The following MCF2L variants were observed in gnomAD, a reference collection of about 807,000 sequenced individuals.
MCF2L encodes guanine nucleotide exchange factor DBS.
A neutral mutation model predicts 153.4 loss-of-function variants in MCF2L; 97 were observed. The observed-to-expected ratio is 0.63, with a 90% confidence interval of 0.54 to 0.75. The LOEUF (loss-of-function observed/expected upper bound fraction) is 0.75, where lower values mean the gene tolerates loss of function less well. MCF2L is among the 30% of genes least tolerant of loss of function. MCF2L has a pLI of 0.00. For synonymous variants in MCF2L, 659 were observed against 632.2 expected (o/e 1.04, Z -0.64); for missense variants, 1,347 against 1,495.2 (o/e 0.90, Z 1.64).
At chr13:113,095,687 C>T (rs933631620) in intron 27 of MCF2L, 11 of 991,570 alleles carry the variant, frequency 1.1e-5, no homozygotes, top group Non-Finnish European at 1.1e-5. Context: ...GCCCAGTCAC[C>T]GTCCTCCTGC....
At chr13:113,024,966 T>G (rs2085139475) in intron 3 of MCF2L, 2 of 501,210 alleles carry the variant, frequency 4.0e-6, no homozygotes, top group East Asian at 6.4e-5. Context: ...CAGGGCAGAG[T>G]CTCTGTGAGG....
intron 1 of MCF2L, among the ~76,000 whole-genome samples, chr13:112,975,103 C>T (rs1051242222): frequency 1.2e-4 from 18 of 152,196 alleles, no homozygotes; most frequent in Admixed American, 5.9e-4. Context: ...CAGAAGGTAT[C>T]TGGTCACATT....
chr13:113,023,173 C>A (rs575909811), intron 2 of MCF2L, among the ~76,000 whole-genome samples: 2 of 152,186 alleles, frequency 1.3e-5, no homozygotes, highest in African/African-American at 4.8e-5. Context: ...CTAAGAGACT[C>A]GGCAGCCAGG....
intron 1 of MCF2L, among the ~76,000 whole-genome samples, chr13:112,998,083 A>C (rs565707032): frequency 6.6e-6 from 1 of 152,346 alleles, no homozygotes; most frequent in Non-Finnish European, 1.5e-5. Context: ...GCTGGGCTCA[A>C]ACTGCAGTGC....
chr13:113,048,831 AG>A (rs776759363), intron 4 of MCF2L, among the ~76,000 whole-genome samples: 1 of 152,114 alleles, frequency 6.6e-6, no homozygotes, highest in South Asian at 2.1e-4. Context: ...CACGGATGTG[AG>A]GGAGGAAGTG....
At chr13:113,056,796 T>TTTGGCTCTGAG in intron 4 of MCF2L, among the ~76,000 whole-genome samples, 1 of 103,966 alleles carries the variant, frequency 9.6e-6, no homozygotes, top group African/African-American at 5.3e-5. Context: ...CACTGAGTGT[T>TTTGGCTCTGAG]TGGGTGCTGT....
chr13:113,034,595 ACCCTCG>A (rs1416794049), intron 3 of MCF2L, among the ~76,000 whole-genome samples: 3 of 147,312 alleles, frequency 2.0e-5, no homozygotes, highest in Non-Finnish European at 3.0e-5. Flanking sequence ...CCCTGGTCTC[ACCCTCG>A]CCCTCACCCT....
intron 15 of MCF2L, among the ~76,000 whole-genome samples, chr13:113,080,771 G>A (rs1049959572): frequency 5.3e-5 from 8 of 152,228 alleles, no homozygotes; most frequent in East Asian, 1.9e-4. Context: ...TACCCACCAC[G>A]AGGAAGGCTC....
intron 2 of MCF2L, among the ~76,000 whole-genome samples, chr13:112,950,974 A>C (rs2140709575): frequency 6.6e-6 from 1 of 152,356 alleles, no homozygotes; most frequent in African/African-American, 2.4e-5. Flanking sequence ...ATATGTGCAA[A>C]CCACATAGCT....
At chr13:112,944,476 G>T (rs2081614615) in intron 2 of MCF2L, among the ~76,000 whole-genome samples, 1 of 151,808 alleles carries the variant, frequency 6.6e-6, no homozygotes, top group Admixed American at 6.6e-5. Flanking sequence ...CAAGGGTCGC[G>T]TTCCTAGTAT....
At chr13:112,899,913 G>T (rs1291533657) in intron 1 of MCF2L, among the ~76,000 whole-genome samples, 1 of 152,180 alleles carries the variant, frequency 6.6e-6, no homozygotes, top group Non-Finnish European at 1.5e-5. Context: ...ATGCTTGCAG[G>T]GTCTTGCCTC....
chr13:112,991,582 A>T (rs1301724722), intron 1 of MCF2L, among the ~76,000 whole-genome samples: 2 of 152,274 alleles, frequency 1.3e-5, no homozygotes, highest in Non-Finnish European at 2.9e-5. Flanking sequence ...GTATTTCAAA[A>T]ATCTATCAGA....
At position 113,016,146 on chromosome 13, in the gene MCF2L, TG is replaced by T. The variant is rs1470794731; in HGVS notation, c.163+1307del. ...TCCTCAGACGCCAGCCCAGGAGCTC[TG>T]GGGGGGATTTTGCAGATGAATTTAA... On this transcript the variant is annotated intron_variant, in intron 2 of 29. Coordinates refer to ENST00000535094, the MANE Select transcript of MCF2L (RefSeq NM_001112732.3). Among the ~76,000 whole-genome samples, 4 of 152,236 alleles carry T rather than the reference TG, an allele frequency of 2.6e-5. No homozygotes were observed. In the East Asian group the frequency reaches 7.7e-4, roughly 29 times the overall value.
intron 1 of MCF2L, among the ~76,000 whole-genome samples, chr13:112,899,651 C>A (rs894598116): frequency 6.6e-6 from 1 of 152,124 alleles, no homozygotes; most frequent in African/African-American, 2.4e-5. Context: ...AGGGGCCACA[C>A]CTGCCCCAAG....
chr13:113,067,062 G>A (rs1194373249), intron 8 of MCF2L, among the ~76,000 whole-genome samples: 1 of 152,256 alleles, frequency 6.6e-6, no homozygotes, highest in Non-Finnish European at 1.5e-5. Context: ...CCATGAGGGT[G>A]GGCCCTGCCC....
intron 2 of MCF2L, among the ~76,000 whole-genome samples, chr13:113,019,468 T>C (rs974403425): frequency 6.6e-6 from 1 of 152,046 alleles, no homozygotes; most frequent in South Asian, 2.1e-4. Flanking sequence ...CCCGTGGGGG[T>C]TTGCCCTTGC....
rs1206461697 is a variant in MCF2L, at chr13:113,053,977, G to A, written c.370-6616G>A. Among the ~76,000 whole-genome samples, 1 of 152,134 alleles carries A rather than the reference G, an allele frequency of 6.6e-6. No individual in the cohort carries two copies. Among genetic ancestry groups the A allele is most frequent in the African/African-American group, 2.4e-5 (1 of 41,424 alleles). ...GCTCAGTTCACACGGCTCCGAATCG[G>A]CGAAACGCAACCAACGCTGGGCAGA... is the stretch of plus-strand genomic sequence containing the variant. On this transcript the variant is annotated intron_variant, in intron 4 of 29. Transcript: ENST00000535094. This position sits in a 1 kb window ranked among gnomAD's most constrained non-coding sequence, Gnocchi z 4.4.
At chr13:112,912,634 C>T (rs2081244514) in intron 2 of MCF2L, among the ~76,000 whole-genome samples, 1 of 152,160 alleles carries the variant, frequency 6.6e-6, no homozygotes, top group Non-Finnish European at 1.5e-5. Flanking sequence ...TTCTTAAGAG[C>T]TGCAAATGTC....
intron 2 of MCF2L, among the ~76,000 whole-genome samples, chr13:112,928,887 C>T (rs2081434401): frequency 6.6e-6 from 1 of 152,246 alleles, no homozygotes; most frequent in Non-Finnish European, 1.5e-5. Flanking sequence ...GGATGGAGGT[C>T]TGCGCCTCCT....
Sources: gnomAD v4.1 joint callset for allele counts (sites outside exome capture counted in the v4.1 genomes callset) on GRCh38, gnomAD v4.1.1 for gene constraint, Gnocchi (gnomAD v3.1) non-coding constraint, MANE v1.5 for transcripts, NCBI Gene and HGNC (gene_info 2026-07-23, HGNC 2026-07-21) for gene names.